Variants in DLGAP4 observed in about 807,000 individuals in gnomAD.
The protein encoded by DLGAP4 is DLG associated protein 4, also known as disks large-associated protein 4.
Under a neutral mutation model 86.9 loss-of-function variants are expected in DLGAP4, and 18 were observed. The ratio of observed to expected loss-of-function variants is 0.21; its 90% confidence interval spans 0.14 to 0.31. The LOEUF (loss-of-function observed/expected upper bound fraction) is 0.31, where lower values mean the gene tolerates loss of function less well. Among genes scored for constraint, DLGAP4 ranks in the 10% least tolerant of loss-of-function variants. The pLI is 1.00. For missense variants in DLGAP4, 1,085 were observed against 1,362.6 expected (o/e 0.80, Z 3.21); for synonymous variants, 548 against 574.3 (o/e 0.95, Z 0.65).
chr20:36,449,299 G>T (rs918885422), intron 7 of DLGAP4, among the ~76,000 whole-genome samples: 17 of 152,132 alleles, frequency 1.1e-4, no homozygotes, highest in African/African-American at 1.7e-4. Context: ...AGGCATCTTG[G>T]GTAGAATCCT....
intron 5 of DLGAP4, 30 bp downstream of exon 5, chr20:36,439,898 G>T: frequency 6.3e-7 from 1 of 1,584,358 alleles, no homozygotes; most frequent in Non-Finnish European, 8.6e-7. Flanking sequence ...TGGAGAGTCA[G>T]GGGGCTTGGG....
intron 1 of DLGAP4, among the ~76,000 whole-genome samples, chr20:36,334,878 C>T (rs1195513896): frequency 1.3e-5 from 2 of 152,090 alleles, no homozygotes; most frequent in African/African-American, 4.8e-5. Flanking sequence ...TATCTGGGAC[C>T]GACGTGTCTA....
At chr20:36,340,158 C>G (rs1255965688) in intron 1 of DLGAP4, among the ~76,000 whole-genome samples, 1 of 152,148 alleles carries the variant, frequency 6.6e-6, no homozygotes, top group Non-Finnish European at 1.5e-5. Context: ...CCTCTGGGAA[C>G]AGAGCCCCAA....
At chr20:36,413,667 C>G (rs1379970456) in intron 2 of DLGAP4, among the ~76,000 whole-genome samples, 2 of 151,712 alleles carry the variant, frequency 1.3e-5, no homozygotes, top group Non-Finnish European at 2.9e-5. Flanking sequence ...GATCCACCCT[C>G]CTCGATCTCC....
chr20:36,349,306 T>C (rs1480493674), intron 1 of DLGAP4, among the ~76,000 whole-genome samples: 2 of 150,336 alleles, frequency 1.3e-5, no homozygotes, highest in Non-Finnish European at 2.9e-5. Flanking sequence ...TAGTCCCAGC[T>C]ACTCGGGAGG....
At chr20:36,353,565 A>G (rs1232384503) in intron 1 of DLGAP4, among the ~76,000 whole-genome samples, 1 of 152,246 alleles carries the variant, frequency 6.6e-6, no homozygotes, top group Non-Finnish European at 1.5e-5. Flanking sequence ...CCTGGTTACA[A>G]ACTCAGCACA....
In DLGAP4 at chr20:36,424,789, G is replaced by T. The variant is rs149137648; in HGVS notation, c.-72-6857G>T. Reference sequence around the variant, plus strand: ...CTTGCTCTGTCACTCAGTCTGGAGTGCAGTGGCACAATCTCAGCTCACTGC... The same window carrying T: ...CTTGCTCTGTCACTCAGTCTGGAGTTCAGTGGCACAATCTCAGCTCACTGC... On this transcript the variant is annotated intron_variant, in intron 2 of 12. Coordinates refer to ENST00000339266, the MANE Select transcript of DLGAP4 (RefSeq NM_001365621.2). Among the ~76,000 whole-genome samples the T allele has an allele frequency of 1.0e-3, 152 of 149,764 alleles. 1 individual carries two copies. The highest frequency in any genetic ancestry group is 3.6e-3 in the African/African-American group (145 of 40,760).
rs376682966 is a variant in DLGAP4, at chr20:36,431,867, C to T, written c.150C>T (p.Asn50=). Residue 50 remains asparagine, a synonymous_variant, in exon 3 of 13, where the codon AAC becomes AAT. Coordinates refer to ENST00000339266, the MANE Select transcript of DLGAP4 (RefSeq NM_001365621.2). This position sits in a 1 kb window ranked among gnomAD's most constrained non-coding sequence, Gnocchi z 5.1. ...GCGAGGCCCGCTTCCCCGGGCAGAA[C>T]ACCCTGCCAGGAGATGGCCTCTTTC... is the stretch of plus-strand genomic sequence containing the variant. The part of the protein sequence containing the change: ...FAREARFPGQ[N]TLPGDGLFPL... The T allele has an allele frequency of 4.3e-6, 7 of 1,614,108 alleles. No homozygotes were observed. The African/African-American group carries it at 6.7e-5, about 15-fold the overall frequency.
chr20:36,470,094 C>A lies in DLGAP4; in HGVS notation c.1648+23157C>A, dbSNP rs551140303. ...CCTTTCCCATGAGTAGGAACTAAAT[C>A]TCGGAGGAAAGGGACTTGCCAGGAT... is the stretch of plus-strand genomic sequence containing the variant. On this transcript the variant is annotated intron_variant, in intron 7 of 12. Coordinates refer to ENST00000339266, the MANE Select transcript of DLGAP4 (RefSeq NM_001365621.2). 7.2e-5 allele frequency among the ~76,000 whole-genome samples: 11 copies of A among 152,218 alleles called. 1 individual carries two copies. In the South Asian group the frequency reaches 2.3e-3, roughly 32 times the overall value.
intron 6 of DLGAP4, among the ~76,000 whole-genome samples, chr20:36,444,347 G>A (rs1030321905): frequency 1.3e-5 from 2 of 152,054 alleles, no homozygotes; most frequent in Admixed American, 6.5e-5. Context: ...GCAGTGGTGC[G>A]ATCATGGCTC....
chr20:36,436,502 T>A, intron 4 of DLGAP4, 152 bp downstream of exon 4: 2 of 1,328,136 alleles, frequency 1.5e-6, no homozygotes. Context: ...TGAGTCCTGC[T>A]TCTTGAGAGA....
intron 2 of DLGAP4, among the ~76,000 whole-genome samples, chr20:36,429,139 G>T (rs183083502): frequency 6.6e-6 from 1 of 152,148 alleles, no homozygotes; most frequent in Admixed American, 6.5e-5. Flanking sequence ...GAGTGCAGTG[G>T]CACAATCTCG....
At chr20:36,514,569 C>T (rs1029992691) in intron 10 of DLGAP4, among the ~76,000 whole-genome samples, 9 of 152,040 alleles carry the variant, frequency 5.9e-5, no homozygotes, top group Non-Finnish European at 1.0e-4. Context: ...CACCACCACA[C>T]CTGCCTAATT....
chr20:36,476,330 T>C (rs1342955307), intron 7 of DLGAP4, among the ~76,000 whole-genome samples: 1 of 134,546 alleles, frequency 7.4e-6, no homozygotes, highest in Non-Finnish European at 1.6e-5. Context: ...TTTTTTTTTT[T>C]TTTTTTTTTT....
chr20:36,413,621 A>T (rs1414690118), intron 2 of DLGAP4, among the ~76,000 whole-genome samples: 2 of 149,984 alleles, frequency 1.3e-5, no homozygotes, highest in Middle Eastern at 3.5e-3. Flanking sequence ...GGGTTTCACC[A>T]TGTTAACCAG....
chr20:36,438,309 G>A (rs571001161), intron 4 of DLGAP4, among the ~76,000 whole-genome samples: 6 of 151,866 alleles, frequency 4.0e-5, no homozygotes, highest in African/African-American at 1.2e-4. Flanking sequence ...AGGAGGCAGA[G>A]GTTGCAGGGA....
chr20:36,335,123 C>T (rs975497854), intron 1 of DLGAP4, among the ~76,000 whole-genome samples: 1 of 152,196 alleles, frequency 6.6e-6, no homozygotes, highest in Non-Finnish European at 1.5e-5. Context: ...GTTCACCCCA[C>T]CTCTTACAGA....
intron 2 of DLGAP4, among the ~76,000 whole-genome samples, chr20:36,424,782 C>G (rs2032930517): frequency 6.8e-6 from 1 of 147,670 alleles, no homozygotes; most frequent in Admixed American, 6.9e-5. Context: ...GTCACTCAGT[C>G]TGGAGTGCAG....
chr20:36,444,127 C>T (rs191691160), intron 6 of DLGAP4, among the ~76,000 whole-genome samples: 1 of 152,266 alleles, frequency 6.6e-6, no homozygotes, highest in East Asian at 1.9e-4. Flanking sequence ...GGAGGAGAAA[C>T]ACCTATCTCT....
Sources: allele counts gnomAD v4.1 joint callset (sites outside exome capture counted in the v4.1 genomes callset), GRCh38; gene constraint gnomAD v4.1.1; non-coding constraint Gnocchi (gnomAD v3.1); transcripts MANE v1.5; gene names NCBI Gene and HGNC (gene_info 2026-07-23, HGNC 2026-07-21).